TJP1: variants seen among roughly 807,000 people sequenced by gnomAD.
TJP1 encodes the protein tight junction protein 1.
A neutral mutation model predicts 194.2 loss-of-function variants in TJP1; 43 were observed. That is an observed-to-expected ratio of 0.22 (90% CI 0.17 to 0.29). TJP1 has a LOEUF of 0.29. Among genes scored for constraint, TJP1 ranks in the 10% least tolerant of loss-of-function variants. The pLI is 1.00. For missense variants in TJP1, 1,971 were observed against 2,185.7 expected (o/e 0.90, Z 1.96); for synonymous variants, 801 against 779.0 (o/e 1.03, Z -0.47).
At chr15:29,933,096 A>AC (rs2054772547) in intron 2 of TJP1, among the ~76,000 whole-genome samples, 1 of 152,296 alleles carries the variant, frequency 6.6e-6, no homozygotes, top group East Asian at 1.9e-4. Flanking sequence ...ACACACACAC[A>AC]TTTTGTCAAT....
chr15:29,765,702 G>A (rs1566980509), intron 5 of TJP1, among the ~76,000 whole-genome samples: 1 of 152,084 alleles, frequency 6.6e-6, no homozygotes, highest in Non-Finnish European at 1.5e-5. Context: ...AACAGCTTGG[G>A]CAACACGGCA....
intron 2 of TJP1, among the ~76,000 whole-genome samples, chr15:29,950,048 A>T (rs1373080544): frequency 5.9e-5 from 4 of 67,416 alleles, no homozygotes; most frequent in South Asian, 5.2e-4. Flanking sequence ...CACCTCCACC[A>T]CCACCACCTC....
chr15:29,728,317 C>A (rs1430928099), intron 15 of TJP1: 5 of 267,606 alleles, frequency 1.9e-5, no homozygotes, highest in African/African-American at 1.1e-4. Flanking sequence ...CAACAGGGCA[C>A]TACTTCCCAC....
chr15:29,716,490 G>T, intron 23 of TJP1, 121 bp downstream of exon 23: 1 of 731,226 alleles, frequency 1.4e-6, no homozygotes, highest in Non-Finnish European at 2.2e-6. Context: ...GTACAATGCT[G>T]AACCACTAGA....
At position 29,938,559 on chromosome 15, in the gene TJP1, A is replaced by G. The variant is rs184484990; in HGVS notation, c.306+17673T>C. Among the ~76,000 whole-genome samples the G allele has an allele frequency of 2.3e-4, 35 of 152,314 alleles. No homozygotes were observed. The East Asian group carries it at 5.2e-3, about 23-fold the overall frequency. The stretch of plus-strand genomic sequence containing the variant: ...TTCTGACAGCACGGAAGTCCTTATA[A>G]AACAGAGCACTATGTCATTCGACTA... On this transcript the variant is annotated intron_variant, in intron 2 of 28. Transcript: ENST00000356107.
Position 29,822,127 on chromosome 15 carries a change from G to A in TJP1, c.-99C>T. ...GCCACAGCCCAAATAAACATCTCCC[G>A]AGAGCGAGCGGGGCACGGGCGGGGG... On this transcript the variant is annotated 5_prime_UTR_variant, in exon 1 of 28. Transcript: ENST00000614355. The A allele has an allele frequency of 8.3e-7, 1 of 1,203,230 alleles. No individual in the cohort carries two copies. Among genetic ancestry groups the A allele is most frequent in the Non-Finnish European group, 1.0e-6 (1 of 967,728 alleles). The allele number at this position is 1,203,230 out of a possible 1,614,324, so 74.5% of individuals were successfully genotyped here.
At chr15:29,765,365 T>A (rs1302232928) in intron 5 of TJP1, among the ~76,000 whole-genome samples, 3 of 152,114 alleles carry the variant, frequency 2.0e-5, no homozygotes, top group African/African-American at 7.2e-5. Context: ...TAAGTCTTGA[T>A]AATATTCCAA....
At chr15:29,788,977 C>T (rs1348885712) in intron 2 of TJP1, among the ~76,000 whole-genome samples, 1 of 152,078 alleles carries the variant, frequency 6.6e-6, no homozygotes, top group Non-Finnish European at 1.5e-5. Flanking sequence ...TCAAAAATGG[C>T]TAGTGTTACC....
chr15:29,795,799 T>C (rs556263454), intron 2 of TJP1, among the ~76,000 whole-genome samples: 24 of 152,232 alleles, frequency 1.6e-4, no homozygotes, highest in Admixed American at 1.5e-3. Flanking sequence ...CTGGAATGGA[T>C]AACATGTAAA....
chr15:29,787,615 A>C (rs903217098), intron 2 of TJP1, among the ~76,000 whole-genome samples: 10 of 152,200 alleles, frequency 6.6e-5, no homozygotes, highest in Admixed American at 6.5e-4. Context: ...TTCTTTTATG[A>C]CTGGCATCTT....
Position 29,877,848 on chromosome 15 carries a change from T to C in TJP1, c.307-77146A>G, listed in dbSNP as rs139687458. ...ACGCCTGGCTAATTTTTTGTATTTT[T>C]AGTAGAGATGGGGTTTCACCATGTT... On this transcript the variant is annotated intron_variant, in intron 2 of 28. Transcript: ENST00000356107. Among the ~76,000 whole-genome samples, 755 of 151,788 alleles carry C rather than the reference T, an allele frequency of 5.0e-3. 6 individuals are homozygous for C. Among genetic ancestry groups the C allele is most frequent in the African/African-American group, 0.017 (720 of 41,400 alleles).
intron 21 of TJP1, 51 bp from the exon 22 acceptor site, chr15:29,718,169 A>G (rs2042685743): frequency 6.3e-7 from 1 of 1,588,120 alleles, no homozygotes; most frequent in African/African-American, 1.4e-5. Flanking sequence ...AGGAACAGAT[A>G]ATTAACAGAA....
At chr15:29,865,214 A>G (rs74378651) in intron 2 of TJP1, among the ~76,000 whole-genome samples, 2 of 152,334 alleles carry the variant, frequency 1.3e-5, no homozygotes, top group East Asian at 3.9e-4. Context: ...TTCTGATAAG[A>G]CGAGAATTAC....
At chr15:29,771,649 C>CA (rs1217525819) in intron 4 of TJP1, among the ~76,000 whole-genome samples, 1 of 151,602 alleles carries the variant, frequency 6.6e-6, no homozygotes, top group Non-Finnish European at 1.5e-5. Context: ...ACTAAAAATA[C>CA]AAATAATTAG....
At chr15:29,779,505 C>T (rs559839746) in intron 2 of TJP1, among the ~76,000 whole-genome samples, 1 of 152,290 alleles carries the variant, frequency 6.6e-6, no homozygotes, top group Non-Finnish European at 1.5e-5. Context: ...AATCTTTTCT[C>T]TTTGCCAAAA....
At chr15:29,808,262 T>A (rs1343067869) in intron 1 of TJP1, among the ~76,000 whole-genome samples, 1 of 152,102 alleles carries the variant, frequency 6.6e-6, no homozygotes, top group Non-Finnish European at 1.5e-5. Context: ...AGTGAGACTG[T>A]CTTAAAACAA....
chr15:29,719,218 A>G (rs2042781088), intron 20 of TJP1, 80 bp from the exon 21 acceptor site: 1 of 1,382,546 alleles, frequency 7.2e-7, no homozygotes, highest in East Asian at 2.3e-5. Flanking sequence ...TTAAATATTA[A>G]ACTACGATTT....
chr15:29,864,290 A>G (rs1368813847), intron 2 of TJP1, among the ~76,000 whole-genome samples: 2 of 146,842 alleles, frequency 1.4e-5, no homozygotes, highest in African/African-American at 5.1e-5. Flanking sequence ...GTGTGCCTGT[A>G]ATCCCAGCTA....
chr15:29,808,343 G>T (rs2049250207), intron 1 of TJP1, among the ~76,000 whole-genome samples: 1 of 152,188 alleles, frequency 6.6e-6, no homozygotes, highest in African/African-American at 2.4e-5. Flanking sequence ...CTTTGTGTAT[G>T]AAGTAACTCG....
Sources: gnomAD v4.1 joint callset for allele counts (sites outside exome capture counted in the v4.1 genomes callset) on GRCh38, gnomAD v4.1.1 for gene constraint, MANE v1.5 for transcripts, NCBI Gene and HGNC (gene_info 2026-07-23, HGNC 2026-07-21) for gene names.